SEMA5A: variants seen among roughly 807,000 people sequenced by gnomAD.
The protein encoded by SEMA5A is semaphorin-5A.
Under a neutral mutation model 135.5 loss-of-function variants are expected in SEMA5A, and 55 were observed. That is an observed-to-expected ratio of 0.41 (90% confidence interval 0.33 to 0.51). The LOEUF (loss-of-function observed/expected upper bound fraction) is 0.51, where lower values mean the gene tolerates loss of function less well. SEMA5A is among the 20% of genes least tolerant of loss of function. The pLI, the probability that SEMA5A is intolerant of heterozygous loss-of-function variation, is 0.37. For missense variants in SEMA5A, 1,290 were observed against 1,419.9 expected, an observed-to-expected ratio of 0.91 and a Z score of 1.47; for synonymous variants, 580 against 546.5, an observed-to-expected ratio of 1.06 and a Z score of -0.85.
intron 1 of SEMA5A, among the ~76,000 whole-genome samples, chr5:9,474,722 T>C (rs371164084): frequency 1.3e-5 from 2 of 152,140 alleles, no homozygotes; most frequent in East Asian, 3.9e-4. Flanking sequence ...TCAGTGAAAC[T>C]TACTGCCACC....
intron 5 of SEMA5A, among the ~76,000 whole-genome samples, chr5:9,253,006 T>C (rs1748882085): frequency 6.6e-6 from 1 of 152,172 alleles, no homozygotes; most frequent in South Asian, 2.1e-4. Context: ...AATTGGAGTA[T>C]CCACCTCATT....
chr5:9,279,544 G>A (rs1432371506), intron 5 of SEMA5A, among the ~76,000 whole-genome samples: 1 of 152,070 alleles, frequency 6.6e-6, no homozygotes, highest in African/African-American at 2.4e-5. Context: ...GGGAGGGGCT[G>A]GGGCAGAATG....
chr5:9,153,141 T>C (rs1408348766), intron 12 of SEMA5A, among the ~76,000 whole-genome samples: 2 of 151,950 alleles, frequency 1.3e-5, no homozygotes, highest in Admixed American at 6.6e-5. Flanking sequence ...CCAGTGTAAC[T>C]TGGCACCTTG....
chr5:9,323,731 G>A lies in SEMA5A; in HGVS notation c.225-5314C>T, dbSNP rs575220467. 2.9e-4 allele frequency among the ~76,000 whole-genome samples: 41 copies of A among 140,074 alleles called. 1 individual carries two copies. In the South Asian group the frequency reaches 8.4e-3, roughly 29 times the overall value. 91.9% of individuals were successfully genotyped at this position (140,074 alleles called of 152,430 possible). A position where few individuals can be genotyped will look rare whatever the true frequency, so the allele number is the denominator to read the frequency against. ...GGCTGGAGTGCAATGGCATGATCTC[G>A]ACTCACTGCAACCTCCACTTCCTGG... On this transcript the variant is annotated intron_variant, in intron 4 of 22. Transcript: ENST00000382496.
intron 11 of SEMA5A, among the ~76,000 whole-genome samples, chr5:9,189,395 GA>G (rs34061066): frequency 0.14 from 20,128 of 140,904 alleles, 2,430 homozygotes; most frequent in African/African-American, 0.3. Flanking sequence ...GCAACTTCAT[GA>G]AAAAAAAAAA....
intron 3 of SEMA5A, among the ~76,000 whole-genome samples, chr5:9,377,702 G>A (rs1048267976): frequency 5.9e-5 from 9 of 152,178 alleles, no homozygotes; most frequent in African/African-American, 2.2e-4. Flanking sequence ...GTGCAAGGAA[G>A]AAATAGACAC....
At chr5:9,096,481 C>A (rs1739321797) in intron 16 of SEMA5A, among the ~76,000 whole-genome samples, 1 of 151,702 alleles carries the variant, frequency 6.6e-6, no homozygotes, top group Non-Finnish European at 1.5e-5. Context: ...TTTTATTTAG[C>A]ATAATGTGTG....
At chr5:9,308,097 CAG>C (rs1751957518) in intron 5 of SEMA5A, among the ~76,000 whole-genome samples, 1 of 152,158 alleles carries the variant, frequency 6.6e-6, no homozygotes, top group Non-Finnish European at 1.5e-5. Flanking sequence ...TCTGTTCGGT[CAG>C]AGTCAGGAAC....
At chr5:9,421,337 C>T (rs994398222) in intron 2 of SEMA5A, among the ~76,000 whole-genome samples, 2 of 152,166 alleles carry the variant, frequency 1.3e-5, no homozygotes, top group East Asian at 1.9e-4. Context: ...ATTCTTACAA[C>T]ATAACTGACA....
At chr5:9,248,324 C>T (rs1207410713) in intron 5 of SEMA5A, among the ~76,000 whole-genome samples, 2 of 151,982 alleles carry the variant, frequency 1.3e-5, no homozygotes, top group Admixed American at 6.6e-5. Flanking sequence ...TAAATCATTC[C>T]TTTTGTTATG....
chr5:9,442,135 T>C (rs1054793012), intron 1 of SEMA5A, among the ~76,000 whole-genome samples: 74 of 152,322 alleles, frequency 4.9e-4, no homozygotes, highest in African/African-American at 1.5e-3. Flanking sequence ...AAGTCACCTC[T>C]AAGACCTTAG....
intron 16 of SEMA5A, 45 bp downstream of exon 16, chr5:9,108,095 C>T (rs781299110): frequency 3.1e-6 from 5 of 1,595,758 alleles, no homozygotes; most frequent in Non-Finnish European, 4.3e-6. Context: ...AGTCTGTATT[C>T]CTGGTTCTGG....
chr5:9,355,492 A>G (rs1235384435), intron 3 of SEMA5A, among the ~76,000 whole-genome samples: 1 of 152,178 alleles, frequency 6.6e-6, no homozygotes, highest in Non-Finnish European at 1.5e-5. Flanking sequence ...AACACCCGAG[A>G]TTTTCACTAG....
At position 9,040,362 on chromosome 5, in the gene SEMA5A, A is replaced by G. The variant is rs149062624; in HGVS notation, c.*2535T>C. On this transcript the variant is annotated 3_prime_UTR_variant, in exon 23 of 23. Transcript: ENST00000382496. ...GAGCGGCTTTATGAAGGAGTTTCCA[A>G]GACAGGTGAGAGATCACACTGTGAA... 33 of 152,286 alleles carry G rather than the reference A, an allele frequency of 2.2e-4. No homozygotes were observed. The East Asian group carries it at 4.8e-3, about 22-fold the overall frequency. 9.4% of individuals were successfully genotyped at this position (152,286 alleles called of 1,614,324 possible). A position where few individuals can be genotyped will look rare whatever the true frequency, so the allele number is the denominator to read the frequency against.
intron 2 of SEMA5A, among the ~76,000 whole-genome samples, chr5:9,383,741 C>A (rs1250237969): frequency 6.6e-6 from 1 of 152,198 alleles, no homozygotes; most frequent in Admixed American, 6.5e-5. Context: ...AGGGCATCAT[C>A]CAGACCTGCT....
intron 4 of SEMA5A, among the ~76,000 whole-genome samples, chr5:9,320,423 T>C (rs1352413362): frequency 2.0e-5 from 3 of 152,094 alleles, no homozygotes; most frequent in Admixed American, 6.5e-5. Flanking sequence ...CCAACAGAAA[T>C]GTCATCTGCA....
At chr5:9,479,080 A>G (rs1759776771) in intron 1 of SEMA5A, among the ~76,000 whole-genome samples, 1 of 152,168 alleles carries the variant, frequency 6.6e-6, no homozygotes, top group Non-Finnish European at 1.5e-5. Context: ...TGCCACCTAC[A>G]TGTACGACGT....
intron 11 of SEMA5A, among the ~76,000 whole-genome samples, chr5:9,174,803 C>T (rs534805379): frequency 1.1e-4 from 16 of 152,256 alleles, no homozygotes; most frequent in Middle Eastern, 3.4e-3. Flanking sequence ...TAAATACAGC[C>T]CAAGCAACCT....
chr5:9,242,771 A>AT (rs1748272699), intron 5 of SEMA5A, among the ~76,000 whole-genome samples: 8 of 151,920 alleles, frequency 5.3e-5, no homozygotes, highest in Middle Eastern at 3.4e-3. Flanking sequence ...TGGGAAAATA[A>AT]ATTTTTTTTT....
Sources: gnomAD v4.1 joint callset for allele counts (sites outside exome capture counted in the v4.1 genomes callset) on GRCh38, gnomAD v4.1.1 for gene constraint, MANE v1.5 for transcripts, NCBI Gene and HGNC (gene_info 2026-07-23, HGNC 2026-07-21) for gene names.